UGT1A7: variants seen among roughly 807,000 people sequenced by gnomAD.
UGT1A7 encodes the protein UDP glucuronosyltransferase family 1 member A7, also known as UDP-glucuronosyltransferase 1A7.
A neutral mutation model predicts 45.6 loss-of-function variants in UGT1A7; 33 were observed. The observed-to-expected ratio is 0.72, with a 90% CI of 0.55 to 0.97. The LOEUF (loss-of-function observed/expected upper bound fraction) is 0.97, where lower values mean the gene tolerates loss of function less well. Among genes scored for constraint, UGT1A7 ranks in the 50% least tolerant of loss-of-function variants. The probability of loss-of-function intolerance (pLI) is 0.00; values close to 1 mark genes in which losing one functional copy is unlikely to be tolerated. For missense variants in UGT1A7, 684 were observed against 666.2 expected, an observed-to-expected ratio of 1.03 and a Z score of -0.29; for synonymous variants, 274 against 250.6, an observed-to-expected ratio of 1.09 and a Z score of -0.88.
In UGT1A7 at chr2:233,745,829, T is replaced by C. The variant is rs1012358577; in HGVS notation, c.856-21205T>C. Among the ~76,000 whole-genome samples, 18 of 151,294 alleles carry C rather than the reference T, an allele frequency of 1.2e-4. 1 individual carries two copies. The highest frequency in any genetic ancestry group is 4.2e-4 in the African/African-American group (17 of 40,760). Reference sequence around the variant, plus strand: ...GAGTTTTGAGAGCAAGGCAGAGGACTCTGAATTTTCTTCTGTGCCCAGGAA... The same window carrying C: ...GAGTTTTGAGAGCAAGGCAGAGGACCCTGAATTTTCTTCTGTGCCCAGGAA... On this transcript the variant is annotated intron_variant, in intron 1 of 4. Coordinates refer to ENST00000373426, the MANE Select transcript of UGT1A7 (RefSeq NM_019077.3).
chr2:233,718,891 C>A (rs1334385335), intron 1 of UGT1A7: 1 of 1,613,996 alleles, frequency 6.2e-7, no homozygotes, highest in East Asian at 2.2e-5. Flanking sequence ...AGTGTCCAGC[C>A]CTGGGCTGAG....
rs28946879 is a variant in UGT1A7 at position 233,690,780 on chromosome 2, C to T, written c.855+7988C>T. ...AGACATACACACACACACACATACA[C>T]ACACACACACACACACACACCATTC... On this transcript the variant is annotated intron_variant, in intron 1 of 4. Transcript: ENST00000373426. 3.4e-4 allele frequency: 118 copies of T among 349,000 alleles called. No individual in the cohort carries two copies. The African/African-American group carries it at 4.1e-3, about 12-fold the overall frequency. The allele number at this position is 349,000 out of a possible 1,614,324, so 21.6% of individuals were successfully genotyped here. A position where few individuals can be genotyped will look rare whatever the true frequency, so the allele number is the denominator to read the frequency against.
At chr2:233,764,688 C>G (rs530219647) in intron 1 of UGT1A7, among the ~76,000 whole-genome samples, 2 of 152,144 alleles carry the variant, frequency 1.3e-5, no homozygotes, top group Non-Finnish European at 2.9e-5. Context: ...ACTTGAAGAG[C>G]ACTTGGAAAT....
intron 1 of UGT1A7, among the ~76,000 whole-genome samples, chr2:233,746,886 T>G (rs1265545295): frequency 6.6e-6 from 1 of 151,624 alleles, no homozygotes; most frequent in Non-Finnish European, 1.5e-5. Context: ...AACAGAGAAG[T>G]AGGAGGCTGT....
At position 233,732,958 on chromosome 2, in the gene UGT1A7, C is replaced by T. The variant is rs75520741; in HGVS notation, c.856-34076C>T. Among the ~76,000 whole-genome samples, 102 of 152,154 alleles carry T rather than the reference C, an allele frequency of 6.7e-4. 1 individual carries two copies. Among genetic ancestry groups the T allele is most frequent in the Non-Finnish European group, 1.2e-3 (82 of 67,996 alleles). ...TATCCATGAGCATGGAATGTTCTTC[C>T]ATTTGTTTGTGTCTTCTTTTATTTC... On this transcript the variant is annotated intron_variant, in intron 1 of 4. Coordinates refer to ENST00000373426, the MANE Select transcript of UGT1A7 (RefSeq NM_019077.3).
At chr2:233,760,155 C>A (rs2125979369) in intron 1 of UGT1A7, 1 of 1,487,916 alleles carries the variant, frequency 6.7e-7, no homozygotes, top group South Asian at 1.3e-5. Flanking sequence ...GAACTCCCTG[C>A]TACCTTTGTG....
intron 1 of UGT1A7, among the ~76,000 whole-genome samples, chr2:233,761,404 T>C (rs1310235983): frequency 6.6e-6 from 1 of 152,228 alleles, no homozygotes; most frequent in East Asian, 1.9e-4. Flanking sequence ...TAGTAATCAA[T>C]TAGAAACAAC....
chr2:233,725,142 G>A (rs181617719), intron 1 of UGT1A7, among the ~76,000 whole-genome samples: 1 of 130,406 alleles, frequency 7.7e-6, no homozygotes, highest in Non-Finnish European at 1.6e-5. Flanking sequence ...CAGCAGTACA[G>A]TCCAGCTTCG....
chr2:233,772,756 T>A lies in UGT1A7; in HGVS notation c.*197T>A. On this transcript the variant is annotated 3_prime_UTR_variant, in exon 5 of 5. Transcript: ENST00000373426. The stretch of plus-strand genomic sequence containing the variant: ...TAGTCAGTAAAGATATTTGAATATG[T>A]ATCGTGCCCCCTCTGGTGTCTTTGA... The A allele has an allele frequency of 1.4e-6, 2 of 1,401,856 alleles. No homozygotes were observed. Among genetic ancestry groups the A allele is most frequent in the Non-Finnish European group, 1.9e-6 (2 of 1,069,170 alleles). 86.8% of individuals were successfully genotyped at this position (1,401,856 alleles called of 1,614,324 possible). A position where few individuals can be genotyped will look rare whatever the true frequency, so the allele number is the denominator to read the frequency against.
rs538829256 is a variant in UGT1A7 at position 233,747,779 on chromosome 2, T to C, written c.856-19255T>C. 9.3e-4 allele frequency: 1,506 copies of C among 1,613,500 alleles called. 1 individual carries two copies. The highest frequency in any genetic ancestry group is 1.2e-3 in the Non-Finnish European group (1,364 of 1,179,858). On this transcript the variant is annotated intron_variant, in intron 1 of 4. Coordinates refer to ENST00000373426, the MANE Select transcript of UGT1A7 (RefSeq NM_019077.3). ...ACTTTAAGGGCACACAGTGTCCAAA[T>C]CCTTCCTCCTATATTCCTAAGTTAC...
rs879478240 is a variant in UGT1A7 at position 233,725,179 on chromosome 2, GAGAGGC to G, written c.856-41819_856-41814del. Among the ~76,000 whole-genome samples the G allele has an allele frequency of 4.9e-3, 330 of 67,596 alleles. 71 individuals are homozygous for G. The highest frequency in any genetic ancestry group is 0.014 in the Middle Eastern group (2 of 144). 44.3% of individuals were successfully genotyped at this position (67,596 alleles called of 152,430 possible). On this transcript the variant is annotated intron_variant, in intron 1 of 4. Transcript: ENST00000373426. Reference sequence around the variant, plus strand: ...CTCTGCATGAGAGGGAGACCGTGGGGAGAGGCAGAGGCAGAGGCAGAGGCAGAGGCA... The same window carrying G: ...CTCTGCATGAGAGGGAGACCGTGGGGAGAGGCAGAGGCAGAGGCAGAGGCA...
At chr2:233,728,439 A>G (rs994532413) in intron 1 of UGT1A7, among the ~76,000 whole-genome samples, 1 of 152,136 alleles carries the variant, frequency 6.6e-6, no homozygotes, top group African/African-American at 2.4e-5. Context: ...CATGGTGTAT[A>G]TGGAGAATCC....
At chr2:233,712,193 C>T (rs144263331) in intron 1 of UGT1A7, among the ~76,000 whole-genome samples, 3 of 152,338 alleles carry the variant, frequency 2.0e-5, no homozygotes, top group Admixed American at 6.5e-5. Context: ...CCAGCTCCCC[C>T]GGTCCCTTGG....
rs2074601450 is a variant in UGT1A7, at chr2:233,682,805, C to A, written c.855+13C>A. 6.3e-7 allele frequency: 1 copy of A among 1,593,992 alleles called. No individual in the cohort carries two copies. Among genetic ancestry groups the A allele is most frequent in the African/African-American group, 1.4e-5 (1 of 74,068 alleles). ...GCCAGTGCCTATGGTAAGTTATCTC[C>A]CCTTTAGCACATTAAGAATAATCTG... On this transcript the variant is annotated intron_variant, in intron 1 of 4. Transcript: ENST00000373426.
intron 1 of UGT1A7, among the ~76,000 whole-genome samples, chr2:233,761,681 C>T (rs1697835350): frequency 6.6e-6 from 1 of 152,246 alleles, no homozygotes; most frequent in Non-Finnish European, 1.5e-5. Flanking sequence ...CAGGTTCTGA[C>T]ATGATACAGA....
Position 233,747,650 on chromosome 2 carries a change from C to T in UGT1A7, c.856-19384C>T, listed in dbSNP as rs980868950. 70 of 1,587,860 alleles carry T rather than the reference C, an allele frequency of 4.4e-5. 1 individual carries two copies. The highest frequency in any genetic ancestry group is 2.1e-4 in the South Asian group (19 of 90,526). On this transcript the variant is annotated intron_variant, in intron 1 of 4. Transcript: ENST00000373426. Reference sequence around the variant, plus strand: ...TCAGGCACCTGAATGCTACTTCCTTCGATGTGGTTTTAATAGACCCAATTT... The same window carrying T: ...TCAGGCACCTGAATGCTACTTCCTTTGATGTGGTTTTAATAGACCCAATTT...
chr2:233,694,741 T>C (rs1294655016), intron 1 of UGT1A7, among the ~76,000 whole-genome samples: 3 of 152,224 alleles, frequency 2.0e-5, no homozygotes, highest in Admixed American at 6.5e-5. Flanking sequence ...ATTTGAACAG[T>C]TGGCAGTAGC....
rs183860423 is a variant in UGT1A7 at position 233,740,220 on chromosome 2, G to A, written c.856-26814G>A. On this transcript the variant is annotated intron_variant, in intron 1 of 4. Transcript: ENST00000373426. ...TTATAAATTACCCAGTCTCAGCTGC[G>A]TCTTTATAGCAGGCTGAGAATAGAC... 6.2e-3 allele frequency among the ~76,000 whole-genome samples: 938 copies of A among 151,912 alleles called. 14 individuals are homozygous for A. The highest frequency in any genetic ancestry group is 5.9e-3 in the Non-Finnish European group (404 of 68,030).
chr2:233,750,586 G>A (rs1377079508), intron 1 of UGT1A7: 2 of 151,926 alleles, frequency 1.3e-5, no homozygotes, highest in East Asian at 3.9e-4. Flanking sequence ...CAGGCCTGGA[G>A]GCCTAGGAAG....
Sources: gnomAD v4.1 joint callset for allele counts (sites outside exome capture counted in the v4.1 genomes callset) on GRCh38, gnomAD v4.1.1 for gene constraint, MANE v1.5 for transcripts, NCBI Gene and HGNC (gene_info 2026-07-23, HGNC 2026-07-21) for gene names.